The following OR9A4 variants were observed in gnomAD, a reference collection of about 807,000 sequenced individuals.
OR9A4 encodes olfactory receptor 9A4.
Under a neutral mutation model 17.1 loss-of-function variants are expected in OR9A4, and 16 were observed. The observed-to-expected ratio is 0.94, with a 90% CI of 0.64 to 1.43. The LOEUF is 1.43. Among genes scored for constraint, OR9A4 ranks in the 40% most tolerant of loss-of-function variants. The pLI is 0.00. For missense variants in OR9A4, 392 were observed against 382.1 expected (o/e 1.03, Z -0.22); for synonymous variants, 167 against 143.3 (o/e 1.17, Z -1.18).
Position 141,918,998 on chromosome 7 carries a change from C to T in OR9A4, c.123C>T (p.Asn41=). Residue 41 remains asparagine, a synonymous_variant, in exon 2 of 2, where the codon AAC becomes AAT. Transcript: ENST00000641559. ...TCTACTTGGTGACATTAATGGGAAACACAGTCATCATCATGATTGTCTGTG... is the reference window on the plus strand; with the variant it reads ...TCTACTTGGTGACATTAATGGGAAATACAGTCATCATCATGATTGTCTGTG... ...FFFYLVTLMG[N]TVIIMIVCVD... 1 of 1,609,430 alleles carries T rather than the reference C, an allele frequency of 6.2e-7. No homozygotes were observed. Among genetic ancestry groups the T allele is most frequent in the Non-Finnish European group, 8.5e-7 (1 of 1,179,854 alleles).
In OR9A4 at chr7:141,919,571, T is replaced by C. The variant is rs1554439120; in HGVS notation, c.696T>C (p.Ser232=). ...CCATTCTCAAGATCCCGTCATCCTCTGGCCGGAGGAAATCCTTCTCCACTT... is the reference window on the plus strand; with the variant it reads ...CCATTCTCAAGATCCCGTCATCCTCCGGCCGGAGGAAATCCTTCTCCACTT... ...ISTILKIPSS[S]GRRKSFSTCA... is the part of the protein sequence containing the mutation. The change falls in exon 2 of 2, where the codon TCT becomes TCC. Residue 232 remains serine (S), a synonymous_variant. Transcript: ENST00000641559. 3.1e-6 allele frequency: 5 copies of C among 1,614,106 alleles called. No homozygotes were observed. In the Admixed American group the frequency reaches 6.7e-5, roughly 22 times the overall value.
In OR9A4 at chr7:141,919,555, A is replaced by G. The variant is rs201431962; in HGVS notation, c.680A>G (p.Lys227Arg). 1.9e-5 allele frequency: 30 copies of G among 1,614,014 alleles called. No individual in the cohort carries two copies. The Admixed American group carries it at 4.8e-4, about 26-fold the overall frequency. Residue 227 changes from lysine to arginine, a missense_variant, in exon 2 of 2, where the codon AAG (lysine) becomes AGG (arginine). Coordinates refer to ENST00000641559, the MANE Select transcript of OR9A4 (RefSeq NM_001001656.3). ...SNAYIISTIL[K>R]IPSSSGRRKS... ...GCCTACATCATCTCCACCATTCTCA[A>G]GATCCCGTCATCCTCTGGCCGGAGG...
At position 141,918,251 on chromosome 7, in the gene OR9A4, C is replaced by T. The variant is rs551659309; in HGVS notation, c.-30-595C>T. On this transcript the variant is annotated intron_variant, in intron 1 of 1. Transcript: ENST00000641559. ...CCTCCTGAGTAGCTGGGATTACAGGCGCGCACCAACATGCCCAGCTAATTT... is the reference window on the plus strand; with the variant it reads ...CCTCCTGAGTAGCTGGGATTACAGGTGCGCACCAACATGCCCAGCTAATTT... 3.3e-5 allele frequency among the ~76,000 whole-genome samples: 5 copies of T among 152,270 alleles called. No homozygotes were observed. In the East Asian group the frequency reaches 5.8e-4, roughly 18 times the overall value.
At chr7:141,916,871 C>A (rs1041546398) in intron 1 of OR9A4, among the ~76,000 whole-genome samples, 3 of 152,186 alleles carry the variant, frequency 2.0e-5, no homozygotes, top group East Asian at 1.9e-4. Flanking sequence ...TGCCACTACC[C>A]AAGTCCCTGC....
chr7:141,918,832 C>T lies in OR9A4; in HGVS notation c.-30-14C>T, dbSNP rs2128958584. The T allele has an allele frequency of 7.1e-7, 1 of 1,411,126 alleles. No individual in the cohort carries two copies. Among genetic ancestry groups the T allele is most frequent in the Non-Finnish European group, 9.7e-7 (1 of 1,027,406 alleles). 87.4% of individuals were successfully genotyped at this position (1,411,126 alleles called of 1,614,324 possible). ...TTTAGGATAAGCGGTTGTTCTCTCT[C>T]TTTTGCTCTCTAGATTTCACAAGGA... is the stretch of plus-strand genomic sequence containing the variant. On this transcript the variant is annotated splice_polypyrimidine_tract_variant and intron_variant, in intron 1 of 1. Transcript: ENST00000641559.
intron 1 of OR9A4, among the ~76,000 whole-genome samples, chr7:141,918,524 T>C (rs1485142813): frequency 6.6e-6 from 1 of 152,168 alleles, no homozygotes; most frequent in Non-Finnish European, 1.5e-5. Context: ...AGTGAACACA[T>C]TGTGATCATG....
chr7:141,917,973 C>A (rs1429554647), intron 1 of OR9A4, among the ~76,000 whole-genome samples: 1 of 152,180 alleles, frequency 6.6e-6, no homozygotes, highest in Non-Finnish European at 1.5e-5. Flanking sequence ...TACCTTGTGA[C>A]AATGTCCTGG....
chr7:141,917,695 G>T (rs1802207369), intron 1 of OR9A4, among the ~76,000 whole-genome samples: 1 of 152,140 alleles, frequency 6.6e-6, no homozygotes, highest in African/African-American at 2.4e-5. Context: ...TGGGAGTTGA[G>T]AATTAAAGTT....
At position 141,919,832 on chromosome 7, in the gene OR9A4, G is replaced by A; in HGVS notation, c.*12G>A. 1 of 1,586,208 alleles carries A rather than the reference G, an allele frequency of 6.3e-7. No homozygotes were observed. The highest frequency in any genetic ancestry group is 8.6e-7 in the Non-Finnish European group (1 of 1,162,866). On this transcript the variant is annotated 3_prime_UTR_variant, in exon 2 of 2. Transcript: ENST00000641559. ...TATTCAGGAATTAGCCTTGCTCTGA[G>A]GACTTTTACATGGTAAAGCACTTAG...
At chr7:141,917,757 A>G (rs1802208140) in intron 1 of OR9A4, among the ~76,000 whole-genome samples, 1 of 152,166 alleles carries the variant, frequency 6.6e-6, no homozygotes, top group African/African-American at 2.4e-5. Context: ...ATCTCATAAC[A>G]AGAGGAATCA....
Position 141,919,936 on chromosome 7 carries a change from G to C in OR9A4, c.*116G>C. 1 of 805,400 alleles carries C rather than the reference G, an allele frequency of 1.2e-6. No homozygotes were observed. Among genetic ancestry groups the C allele is most frequent in the Non-Finnish European group, 1.9e-6 (1 of 523,744 alleles). The allele number at this position is 805,400 out of a possible 1,614,324, so 49.9% of individuals were successfully genotyped here. On this transcript the variant is annotated 3_prime_UTR_variant, in exon 2 of 2. Coordinates refer to ENST00000641559, the MANE Select transcript of OR9A4 (RefSeq NM_001001656.3). Reference sequence around the variant, plus strand: ...AATTATTGCCATTATCAAATGATTTGCATGCAACAAAATACTTTTAAGTTA... The same window carrying C: ...AATTATTGCCATTATCAAATGATTTCCATGCAACAAAATACTTTTAAGTTA...
chr7:141,918,172 C>T (rs1231248322), intron 1 of OR9A4, among the ~76,000 whole-genome samples: 2 of 152,168 alleles, frequency 1.3e-5, no homozygotes, highest in African/African-American at 4.8e-5. Flanking sequence ...CACTCTGTTG[C>T]CCAGGCTGGA....
rs1052336420 is a variant in OR9A4 at position 141,919,711 on chromosome 7, C to T, written c.836C>T (p.Ser279Leu). 9 of 1,614,050 alleles carry T rather than the reference C, an allele frequency of 5.6e-6. No homozygotes were observed. The highest frequency in any genetic ancestry group is 7.6e-6 in the Non-Finnish European group (9 of 1,180,034). ...AATTGGGTAGTTTCCCTGATGGTTTCAGTAGTAACTCCTTTCCTCAATCCT... is the reference window on the plus strand; with the variant it reads ...AATTGGGTAGTTTCCCTGATGGTTTTAGTAGTAACTCCTTTCCTCAATCCT... ...DYNWVVSLMV[S>L]VVTPFLNPFI... Residue 279 changes from serine (S) to leucine (L), a missense_variant, in exon 2 of 2, where the codon TCA (serine) becomes TTA (leucine). Physicochemically the swap from Ser to Leu is moderately radical, Grantham distance 145 (BLOSUM62 -2). Transcript: ENST00000641559.
In OR9A4 at chr7:141,919,819, A is replaced by G; in HGVS notation, c.944A>G (p.Ter315TrpextTer18). The G allele has an allele frequency of 6.2e-7, 1 of 1,600,272 alleles. No individual in the cohort carries two copies. The highest frequency in any genetic ancestry group is 8.5e-7 in the Non-Finnish European group (1 of 1,171,614). Reference protein sequence around the residue: ...VKRCCQLFRN* With the variant: ...VKRCCQLFRNW ...CGCTGCTGTCAACTATTCAGGAATT[A>G]GCCTTGCTCTGAGGACTTTTACATG... is the stretch of plus-strand genomic sequence containing the variant. The change falls in exon 2 of 2, where the codon TAG becomes TGG. Residue 315 changes from the stop codon to tryptophan (W), a stop_lost. Transcript: ENST00000641559.
intron 1 of OR9A4, among the ~76,000 whole-genome samples, chr7:141,918,385 G>T (rs969846355): frequency 6.6e-6 from 1 of 152,182 alleles, no homozygotes; most frequent in African/African-American, 2.4e-5. Flanking sequence ...GATTACAAGC[G>T]TGAGCCACCG....
At chr7:141,918,234 G>A (rs2128958513) in intron 1 of OR9A4, among the ~76,000 whole-genome samples, 1 of 152,316 alleles carries the variant, frequency 6.6e-6, no homozygotes, top group East Asian at 1.9e-4. Flanking sequence ...AGCCTCCTGA[G>A]TAGCTGGGAT....
In OR9A4 at chr7:141,919,467, A is replaced by T. The variant is rs781953354; in HGVS notation, c.592A>T (p.Ile198Phe). ...CAATAATACTCTTTTCACGGAGTTT[A>T]TCCTCTTCTTAATGGCTGTTTTTGT... ...SCNNTLFTEF[I>F]LFLMAVFVLF... Residue 198 changes from isoleucine (I) to phenylalanine (F), a missense_variant, in exon 2 of 2, where the codon ATC becomes TTC. Ile to Phe is a conservative substitution (Grantham distance 21, BLOSUM62 0). Coordinates refer to ENST00000641559, the MANE Select transcript of OR9A4 (RefSeq NM_001001656.3). The T allele has an allele frequency of 6.2e-7, 1 of 1,614,008 alleles. No homozygotes were observed. The highest frequency in any genetic ancestry group is 1.1e-5 in the South Asian group (1 of 91,082).
chr7:141,918,719 C>T (rs1309821913), intron 1 of OR9A4, 127 bp from the exon 2 acceptor site: 6 of 597,200 alleles, frequency 1.0e-5, no homozygotes, highest in Non-Finnish European at 1.8e-5. Flanking sequence ...TATTTGACAT[C>T]AACATCGTGT....
rs74581614 is a variant in OR9A4 at position 141,919,980 on chromosome 7, T to A, written c.*160T>A. On this transcript the variant is annotated 3_prime_UTR_variant, in exon 2 of 2. Coordinates refer to ENST00000641559, the MANE Select transcript of OR9A4 (RefSeq NM_001001656.3). ...TAAGTTACAGCTACGGTTTTTAGTA[T>A]GCTTAGTTGTTACTTGAAACTCAGT... 4.4e-4 allele frequency: 252 copies of A among 574,320 alleles called. 2 individuals are homozygous for A. In the East Asian group the frequency reaches 7.1e-3, roughly 16 times the overall value. 35.6% of individuals were successfully genotyped at this position (574,320 alleles called of 1,614,324 possible).
Sources: allele counts gnomAD v4.1 joint callset (sites outside exome capture counted in the v4.1 genomes callset), GRCh38; gene constraint gnomAD v4.1.1; transcripts MANE v1.5; gene names NCBI Gene and HGNC (gene_info 2026-07-23, HGNC 2026-07-21).